Variants in CFTR observed in about 807,000 individuals in gnomAD.
The protein encoded by CFTR is cystic fibrosis transmembrane conductance regulator.
CFTR carries 181 observed loss-of-function variants against 171.6 expected under a neutral mutation model. That is an observed-to-expected ratio of 1.05 (90% CI 0.93 to 1.19). CFTR has a LOEUF of 1.19. CFTR is among the 50% of genes most tolerant of loss of function. The pLI, the probability that CFTR is intolerant of heterozygous loss-of-function variation, is 0.00. For synonymous variants in CFTR, 583 were observed against 608.0 expected, an observed-to-expected ratio of 0.96 and a Z score of 0.60; for missense variants, 1,968 against 1,734.7, an observed-to-expected ratio of 1.13 and a Z score of -2.39.
chr7:117,506,935 T>G (rs1308087813), intron 2 of CFTR, among the ~76,000 whole-genome samples: 1 of 152,212 alleles, frequency 6.6e-6, no homozygotes, highest in Admixed American at 6.5e-5. Flanking sequence ...CCTTGGGAAG[T>G]GACCCTGGCT....
rs1584844416 is a variant in CFTR at position 117,655,855 on chromosome 7, G to A, written c.3963+2924G>A. 2.0e-5 allele frequency among the ~76,000 whole-genome samples: 3 copies of A among 152,260 alleles called. No homozygotes were observed. In the East Asian group the frequency reaches 5.8e-4, roughly 29 times the overall value. On this transcript the variant is annotated intron_variant, in intron 24 of 26. Transcript: ENST00000003084. ...AAGGCCTTCTTCCTCACAGATGGCT[G>A]TGTTCTCACTGTGTTGTTACATGGC...
intron 3 of CFTR, among the ~76,000 whole-genome samples, chr7:117,525,050 A>G (rs35666329): frequency 0.015 from 2,239 of 152,304 alleles, 56 homozygotes; most frequent in African/African-American, 0.051. Context: ...CTTTTCAAAA[A>G]TATTTCAGTA....
chr7:117,519,536 G>A (rs903071431), intron 3 of CFTR, among the ~76,000 whole-genome samples: 1 of 151,810 alleles, frequency 6.6e-6, no homozygotes, highest in Non-Finnish European at 1.5e-5. Context: ...ATTATTGTAA[G>A]TTGTATGAAA....
intron 10 of CFTR, among the ~76,000 whole-genome samples, chr7:117,554,293 C>T (rs1799316330): frequency 6.6e-6 from 1 of 152,000 alleles, no homozygotes; most frequent in East Asian, 1.9e-4. Flanking sequence ...TCAGGACATG[C>T]TTTGAAGGAA....
intron 3 of CFTR, among the ~76,000 whole-genome samples, chr7:117,519,210 G>A (rs895530016): frequency 2.6e-5 from 4 of 152,010 alleles, no homozygotes; most frequent in African/African-American, 9.7e-5. Flanking sequence ...ATAAACAATT[G>A]TGGCAAAATG....
At position 117,622,197 on chromosome 7, in the gene CFTR, C is replaced by T. The variant is rs115839997; in HGVS notation, c.3469-5325C>T. On this transcript the variant is annotated intron_variant, in intron 21 of 26. Transcript: ENST00000003084. ...CATTTATGCTGTTAATAATTTATAG[C>T]AACATGGCATTTGACTGACTTTTTA... is the stretch of plus-strand genomic sequence containing the variant. Among the ~76,000 whole-genome samples the T allele has an allele frequency of 6.5e-3, 989 of 152,238 alleles. 8 individuals carry two copies. The highest frequency in any genetic ancestry group is 0.023 in the African/African-American group (950 of 41,530).
intron 21 of CFTR, among the ~76,000 whole-genome samples, chr7:117,617,797 T>C (rs1441557266): frequency 6.6e-6 from 1 of 152,110 alleles, no homozygotes; most frequent in Non-Finnish European, 1.5e-5. Context: ...TACTACCCCA[T>C]TTCTTTGACC....
intron 22 of CFTR, among the ~76,000 whole-genome samples, chr7:117,631,428 G>A (rs1329694462): frequency 1.3e-5 from 2 of 152,152 alleles, no homozygotes; most frequent in Middle Eastern, 3.2e-3. Flanking sequence ...CCTAAAGACA[G>A]GAGTGGGGAA....
At chr7:117,597,713 G>A (rs760521434) in intron 15 of CFTR, among the ~76,000 whole-genome samples, 11 of 151,700 alleles carry the variant, frequency 7.3e-5, no homozygotes, top group Non-Finnish European at 1.2e-4. Context: ...AACCATTTTA[G>A]AGATTCAAAT....
At chr7:117,581,819 C>T (rs576631398) in intron 11 of CFTR, among the ~76,000 whole-genome samples, 9 of 152,190 alleles carry the variant, frequency 5.9e-5, no homozygotes, top group Admixed American at 6.5e-5. Context: ...GGAGTGATCA[C>T]GGTTCATTGC....
intron 10 of CFTR, among the ~76,000 whole-genome samples, chr7:117,549,708 T>C (rs935447542): frequency 9.2e-5 from 14 of 152,126 alleles, no homozygotes; most frequent in African/African-American, 3.4e-4. Flanking sequence ...TTTGTAGAAA[T>C]GTGAGAAAAA....
intron 20 of CFTR, 33 bp from the exon 21 acceptor site, chr7:117,614,580 T>C: frequency 7.5e-7 from 1 of 1,338,176 alleles, no homozygotes; most frequent in South Asian, 1.2e-5. Context: ...AGAAATAACA[T>C]GAGGTTCATT....
At chr7:117,576,357 C>A (rs1451412869) in intron 11 of CFTR, among the ~76,000 whole-genome samples, 2 of 152,082 alleles carry the variant, frequency 1.3e-5, no homozygotes, top group Admixed American at 6.6e-5. Context: ...AGTATAACAA[C>A]TATTTATGTA....
At position 117,559,528 on chromosome 7, in the gene CFTR, G is replaced by T; in HGVS notation, c.1457G>T (p.Gly486Val). The change falls in exon 11 of 27, where the codon GGA (glycine) becomes GTA (valine). Residue 486 changes from glycine to valine, a missense_variant. By Grantham distance (109) the Gly-to-Val change is moderately radical. Coordinates refer to ENST00000003084, the MANE Select transcript of CFTR (RefSeq NM_000492.4). ...TCAGAGGGTAAAATTAAGCACAGTG[G>T]AAGAATTTCATTCTGTTCTCAGTTT... is the stretch of plus-strand genomic sequence containing the variant. ...EPSEGKIKHS[G>V]RISFCSQFSW... 1 of 1,611,680 alleles carries T rather than the reference G, an allele frequency of 6.2e-7. No homozygotes were observed. Among genetic ancestry groups the T allele is most frequent in the Middle Eastern group, 1.7e-4 (1 of 6,058 alleles).
At chr7:117,521,924 G>C (rs1287734784) in intron 3 of CFTR, among the ~76,000 whole-genome samples, 1 of 151,946 alleles carries the variant, frequency 6.6e-6, no homozygotes, top group Non-Finnish European at 1.5e-5. Flanking sequence ...CCTATCTTAG[G>C]TATGCATTAC....
At chr7:117,520,893 C>T (rs1798674853) in intron 3 of CFTR, among the ~76,000 whole-genome samples, 1 of 151,690 alleles carries the variant, frequency 6.6e-6, no homozygotes, top group Non-Finnish European at 1.5e-5. Flanking sequence ...AATTCACTTC[C>T]AAAAAAATCT....
intron 1 of CFTR, among the ~76,000 whole-genome samples, chr7:117,499,506 A>G (rs1798288693): frequency 7.0e-6 from 1 of 143,868 alleles, no homozygotes; most frequent in Non-Finnish European, 1.5e-5. Context: ...AAAATCTGAA[A>G]TCTCTTATAG....
chr7:117,592,174 C>T lies in CFTR; in HGVS notation c.2007C>T (p.Phe669=), dbSNP rs958140362. The part of the protein sequence containing the change: ...NSILTETLHR[F]SLEGDAPVSW... ...TCCTAACTGAGACCTTACACCGTTT[C>T]TCATTAGAAGGAGATGCTCCTGTCT... The change falls in exon 14 of 27, where the codon TTC becomes TTT. Residue 669 remains phenylalanine (F), a synonymous_variant. Coordinates refer to ENST00000003084, the MANE Select transcript of CFTR (RefSeq NM_000492.4). 6.2e-7 allele frequency: 1 copy of T among 1,613,894 alleles called. No homozygotes were observed. Among genetic ancestry groups the T allele is most frequent in the Non-Finnish European group, 8.5e-7 (1 of 1,180,008 alleles).
intron 23 of CFTR, among the ~76,000 whole-genome samples, chr7:117,650,524 A>G (rs1278746605): frequency 6.6e-6 from 1 of 151,964 alleles, no homozygotes; most frequent in East Asian, 1.9e-4. Flanking sequence ...TTTGCAAGCC[A>G]CATTGCCTTT....
Sources: gnomAD v4.1 joint callset for allele counts (sites outside exome capture counted in the v4.1 genomes callset) on GRCh38, gnomAD v4.1.1 for gene constraint, MANE v1.5 for transcripts, NCBI Gene and HGNC (gene_info 2026-07-23, HGNC 2026-07-21) for gene names.